Variants in ACTR3C observed in about 807,000 individuals in gnomAD.
The protein encoded by ACTR3C is actin related protein 3C.
ACTR3C carries 18 observed loss-of-function variants against 26.3 expected under a neutral mutation model. That is an observed-to-expected ratio of 0.68 (90% CI 0.47 to 1.01). The LOEUF is 1.01. Ranked by LOEUF, ACTR3C falls within the 50% of genes least tolerant of loss-of-function variation. ACTR3C has a pLI of 0.00. For synonymous variants in ACTR3C, 55 were observed against 94.5 expected, an observed-to-expected ratio of 0.58 and a Z score of 2.42; for missense variants, 184 against 250.7, an observed-to-expected ratio of 0.73 and a Z score of 1.80.
the ACTR3C span, among the ~76,000 whole-genome samples, chr7:150,055,938 G>C: frequency 6.6e-6 from 1 of 152,130 alleles, no homozygotes; most frequent in Non-Finnish European, 1.5e-5. Flanking sequence ...ATTTAAAGTT[G>C]AAACCTGACT....
At chr7:150,114,229 C>T in the ACTR3C span, among the ~76,000 whole-genome samples, 5 of 152,220 alleles carry the variant, frequency 3.3e-5, no homozygotes, top group Admixed American at 2.0e-4. Flanking sequence ...CGCTCAATCC[C>T]GGCAGGATTT....
the ACTR3C span, among the ~76,000 whole-genome samples, chr7:149,963,607 A>C: frequency 6.6e-6 from 1 of 152,190 alleles, no homozygotes; most frequent in Non-Finnish European, 1.5e-5. Context: ...ACAGAAACAC[A>C]GTATTGGAGC....
At chr7:150,076,543 T>TA in the ACTR3C span, 2 of 152,186 alleles carry the variant, frequency 1.3e-5, no homozygotes, top group South Asian at 4.2e-4. Context: ...CCACACCTCT[T>TA]ATAAAGAGAT....
At chr7:150,126,834 A>T in the ACTR3C span, among the ~76,000 whole-genome samples, 1 of 152,204 alleles carries the variant, frequency 6.6e-6, no homozygotes, top group Non-Finnish European at 1.5e-5. Flanking sequence ...TGCAGGACTA[A>T]CAAGGATGGC....
the ACTR3C span, among the ~76,000 whole-genome samples, chr7:150,228,948 TG>T: frequency 6.6e-6 from 1 of 151,452 alleles, no homozygotes; most frequent in Non-Finnish European, 1.5e-5. Flanking sequence ...TATATAGTAA[TG>T]GTACAAATTA....
chr7:150,079,674 G>A, the ACTR3C span, among the ~76,000 whole-genome samples: 1 of 152,170 alleles, frequency 6.6e-6, no homozygotes, highest in Non-Finnish European at 1.5e-5. Flanking sequence ...GCTTCCTGGG[G>A]AGAGGCTCAC....
the ACTR3C span, among the ~76,000 whole-genome samples, chr7:150,183,066 G>A: frequency 6.6e-6 from 1 of 150,786 alleles, no homozygotes; most frequent in African/African-American, 2.5e-5. Flanking sequence ...TTTGCAAAAT[G>A]CTGCTTGCAC....
At chr7:150,107,741 T>C in the ACTR3C span, among the ~76,000 whole-genome samples, 4 of 151,438 alleles carry the variant, frequency 2.6e-5, no homozygotes, top group Non-Finnish European at 5.9e-5. Context: ...TTAAGAAAAT[T>C]GGAAAATCTT....
the ACTR3C span, among the ~76,000 whole-genome samples, chr7:150,049,280 A>C: frequency 7.3e-5 from 11 of 151,590 alleles, no homozygotes; most frequent in Admixed American, 7.2e-4. Context: ...GTTGCTGGGC[A>C]CGCGTCTCTC....
the ACTR3C span, among the ~76,000 whole-genome samples, chr7:150,207,869 T>A: frequency 6.7e-6 from 1 of 150,356 alleles, no homozygotes; most frequent in Non-Finnish European, 1.5e-5. Context: ...TAGCCTAATT[T>A]AAAATTTCTC....
chr7:150,057,687 G>A, the ACTR3C span, among the ~76,000 whole-genome samples: 929 of 152,300 alleles, frequency 6.1e-3, 9 homozygotes, highest in African/African-American at 0.022. Context: ...GATTTCCTGG[G>A]AAGGCAGCCT....
chr7:150,245,672 T>C (rs1279820622), downstream of ACTR3C: 5 of 152,070 alleles, frequency 3.3e-5, no homozygotes, highest in Non-Finnish European at 7.4e-5. Context: ...AATAAGAATC[T>C]TTCATTTTGG....
chr7:149,936,559 A>T, the ACTR3C span, among the ~76,000 whole-genome samples: 139,486 of 152,176 alleles, frequency 0.92, 64,587 homozygotes, highest in Non-Finnish European at 0.99. Context: ...ACTTTTCAGC[A>T]CAATAAAACA....
chr7:150,218,912 T>C, the ACTR3C span, among the ~76,000 whole-genome samples: 1 of 148,292 alleles, frequency 6.7e-6, no homozygotes, highest in African/African-American at 2.5e-5. Context: ...TTAAAATACA[T>C]TTCCTGTAGA....
the ACTR3C span, among the ~76,000 whole-genome samples, chr7:150,236,945 AGGGCTATTAAAGCCTTGCAGTG>A: frequency 4.6e-5 from 7 of 151,542 alleles, no homozygotes; most frequent in South Asian, 8.3e-4. Context: ...GAAAGAGAAA[AGGGCTATTAAAGCCTTGCAGTG>A]GGCAGTGATA....
chr7:150,128,224 C>A, the ACTR3C span, among the ~76,000 whole-genome samples: 104 of 152,168 alleles, frequency 6.8e-4, no homozygotes, highest in Middle Eastern at 0.017. Flanking sequence ...AGATCAAACC[C>A]TCCTGCCCCT....
At chr7:149,912,741 T>C in the ACTR3C span, among the ~76,000 whole-genome samples, 1 of 152,242 alleles carries the variant, frequency 6.6e-6, no homozygotes, top group African/African-American at 2.4e-5. Flanking sequence ...GACCTTGTGA[T>C]CTGCCTGCCT....
chr7:150,198,795 G>GA, the ACTR3C span, among the ~76,000 whole-genome samples: 4 of 128,694 alleles, frequency 3.1e-5, no homozygotes, highest in African/African-American at 1.5e-4. Context: ...TGCCGTCCGG[G>GA]AGGGAGGTGG....
chr7:149,941,362 C>T, the ACTR3C span, among the ~76,000 whole-genome samples: 1 of 152,174 alleles, frequency 6.6e-6, no homozygotes, highest in African/African-American at 2.4e-5. Context: ...AACTCAAGTG[C>T]TTATGGCTTC....
Sources: allele counts gnomAD v4.1 joint callset (sites outside exome capture counted in the v4.1 genomes callset), GRCh38; gene constraint gnomAD v4.1.1; transcripts MANE v1.5; gene names NCBI Gene and HGNC (gene_info 2026-07-23, HGNC 2026-07-21).